The following CSMD3 variants were observed in gnomAD, a reference collection of about 807,000 sequenced individuals.
CSMD3 encodes the protein CUB and Sushi multiple domains 3.
Under a neutral mutation model 435.2 loss-of-function variants are expected in CSMD3, and 177 were observed. The observed-to-expected ratio is 0.41, with a 90% CI of 0.36 to 0.46. The LOEUF (loss-of-function observed/expected upper bound fraction) is 0.46. Among genes scored for constraint, CSMD3 ranks in the 20% least tolerant of loss-of-function variants. CSMD3 has a pLI of 0.34. For synonymous variants in CSMD3, 1,656 were observed against 1,520.5 expected, an observed-to-expected ratio of 1.09 and a Z score of -2.07; for missense variants, 4,265 against 4,504.6, an observed-to-expected ratio of 0.95 and a Z score of 1.52.
intron 26 of CSMD3, among the ~76,000 whole-genome samples, chr8:112,551,563 T>C (rs989984284): frequency 1.3e-5 from 2 of 152,126 alleles, no homozygotes; most frequent in African/African-American, 4.8e-5. Flanking sequence ...CAATTTAACA[T>C]CAAATAATGT....
chr8:112,783,748 A>T (rs2078462550), intron 13 of CSMD3, among the ~76,000 whole-genome samples: 1 of 152,062 alleles, frequency 6.6e-6, no homozygotes, highest in African/African-American at 2.4e-5. Flanking sequence ...GGATGGAAAA[A>T]GATATTCCAT....
At chr8:113,180,525 A>G (rs2131926218) in intron 3 of CSMD3, among the ~76,000 whole-genome samples, 1 of 152,132 alleles carries the variant, frequency 6.6e-6, no homozygotes, top group East Asian at 1.9e-4. Context: ...TCTTGAGAAG[A>G]GGGACTCTAA....
At chr8:113,191,602 A>C (rs979746311) in intron 3 of CSMD3, among the ~76,000 whole-genome samples, 2 of 151,398 alleles carry the variant, frequency 1.3e-5, no homozygotes, top group African/African-American at 2.4e-5. Context: ...CATTAATTTT[A>C]TGACTGCATA....
chr8:112,974,421 T>A (rs1243767673), intron 7 of CSMD3, among the ~76,000 whole-genome samples: 13 of 151,894 alleles, frequency 8.6e-5, no homozygotes, highest in Non-Finnish European at 1.6e-4. Flanking sequence ...ATAAAATAAT[T>A]TCCAGATAGC....
intron 18 of CSMD3, among the ~76,000 whole-genome samples, chr8:112,651,443 TA>T (rs1411682422): frequency 6.6e-6 from 1 of 152,132 alleles, no homozygotes; most frequent in Non-Finnish European, 1.5e-5. Context: ...AATGAGAAAC[TA>T]AAATACAATA....
intron 11 of CSMD3, among the ~76,000 whole-genome samples, chr8:112,841,733 A>G (rs1039650112): frequency 6.6e-6 from 1 of 151,742 alleles, no homozygotes; most frequent in African/African-American, 2.4e-5. Flanking sequence ...AGATCGTCAC[A>G]GACTGAGAAT....
At chr8:113,087,558 T>C (rs1371363112) in intron 5 of CSMD3, among the ~76,000 whole-genome samples, 64 of 152,060 alleles carry the variant, frequency 4.2e-4, no homozygotes, top group African/African-American at 1.4e-3. Flanking sequence ...ATGCCGCATA[T>C]CTACAACTAT....
At chr8:112,860,746 T>G (rs1411050711) in intron 10 of CSMD3, among the ~76,000 whole-genome samples, 1 of 151,826 alleles carries the variant, frequency 6.6e-6, no homozygotes, top group African/African-American at 2.4e-5. Context: ...GCTCTCCTGA[T>G]TATTCGCATG....
intron 4 of CSMD3, among the ~76,000 whole-genome samples, chr8:113,129,182 T>C (rs747543634): frequency 1.3e-5 from 2 of 152,184 alleles, no homozygotes; most frequent in Admixed American, 6.6e-5. Flanking sequence ...CCTTTTCATA[T>C]TGTGAGCATA....
At chr8:112,963,650 T>C (rs1393600239) in intron 7 of CSMD3, among the ~76,000 whole-genome samples, 1 of 151,908 alleles carries the variant, frequency 6.6e-6, no homozygotes, top group African/African-American at 2.4e-5. Flanking sequence ...TTCACAAAGA[T>C]AGAGTAGATA....
At chr8:113,253,566 G>T (rs2093352654) in intron 3 of CSMD3, among the ~76,000 whole-genome samples, 2 of 151,912 alleles carry the variant, frequency 1.3e-5, no homozygotes, top group African/African-American at 4.8e-5. Context: ...ACTTGGCTGG[G>T]CGTGGTGGCT....
intron 13 of CSMD3, among the ~76,000 whole-genome samples, chr8:112,718,227 T>G (rs924978397): frequency 2.6e-5 from 4 of 152,116 alleles, no homozygotes; most frequent in African/African-American, 9.7e-5. Flanking sequence ...TGTTTTGTAG[T>G]GAGCCTGAAG....
intron 4 of CSMD3, among the ~76,000 whole-genome samples, chr8:113,155,925 C>T (rs1281147925): frequency 2.0e-5 from 3 of 152,010 alleles, no homozygotes; most frequent in African/African-American, 7.2e-5. Context: ...GGAAGCCTTT[C>T]AGCTGCTGTG....
intron 6 of CSMD3, among the ~76,000 whole-genome samples, chr8:112,978,275 G>A (rs900973535): frequency 2.0e-5 from 3 of 151,850 alleles, no homozygotes; most frequent in Non-Finnish European, 4.4e-5. Flanking sequence ...CTTTACCAAA[G>A]GGATGGATTA....
chr8:112,607,314 AT>A (rs1407769754), intron 22 of CSMD3, among the ~76,000 whole-genome samples: 1 of 152,034 alleles, frequency 6.6e-6, no homozygotes, highest in African/African-American at 2.4e-5. Context: ...TAGATTAATA[AT>A]GAGTGAGAAG....
At chr8:112,385,732 G>A (rs1829883555) in intron 36 of CSMD3, among the ~76,000 whole-genome samples, 1 of 152,084 alleles carries the variant, frequency 6.6e-6, no homozygotes, top group Non-Finnish European at 1.5e-5. Flanking sequence ...GGAAGTGAAA[G>A]GAAAAATTTG....
chr8:112,599,311 A>G (rs1339047088), intron 22 of CSMD3, among the ~76,000 whole-genome samples: 2 of 151,072 alleles, frequency 1.3e-5, no homozygotes, highest in Non-Finnish European at 1.5e-5. Context: ...AATCAAAACC[A>G]CAATGAGATA....
Position 112,291,623 on chromosome 8 carries a change from G to C in CSMD3, c.8861C>G (p.Thr2954Ser), listed in dbSNP as rs2130678039. The C allele has an allele frequency of 6.2e-7, 1 of 1,611,546 alleles. No homozygotes were observed. Among genetic ancestry groups the C allele is most frequent in the Non-Finnish European group, 8.5e-7 (1 of 1,178,052 alleles). ...RESKIEHGNF[T>S]YGTVVFYDCN... ...GTCATAGAATACCACAGTGCCGTAAGTAAAATTTCCATGTTCTATTTTACT... is the reference window on the plus strand; with the variant it reads ...GTCATAGAATACCACAGTGCCGTAACTAAAATTTCCATGTTCTATTTTACT... Residue 2954 changes from threonine (T) to serine (S), a missense_variant, in exon 56 of 71, where the codon ACT becomes AGT. Coordinates refer to ENST00000297405, the MANE Select transcript of CSMD3 (RefSeq NM_198123.2).
chr8:112,359,065 T>C (rs973722697), intron 38 of CSMD3, among the ~76,000 whole-genome samples: 11 of 152,190 alleles, frequency 7.2e-5, no homozygotes, highest in Non-Finnish European at 1.3e-4. Context: ...GCAACTATTA[T>C]TATTAAAAAC....
Sources: allele counts gnomAD v4.1 joint callset (sites outside exome capture counted in the v4.1 genomes callset), GRCh38; gene constraint gnomAD v4.1.1; transcripts MANE v1.5; gene names NCBI Gene and HGNC (gene_info 2026-07-23, HGNC 2026-07-21).